Variants in TRIO observed in about 807,000 individuals in gnomAD.
TRIO encodes the protein triple functional domain protein.
A neutral mutation model predicts 351.9 loss-of-function variants in TRIO; 58 were observed. The ratio of observed to expected loss-of-function variants is 0.16; its 90% CI spans 0.13 to 0.21. TRIO has a LOEUF of 0.21. Ranked by LOEUF, TRIO falls within the 10% of genes least tolerant of loss-of-function variation. The pLI, the probability that TRIO is intolerant of heterozygous loss-of-function variation, is 1.00. For missense variants in TRIO, 3,201 were observed against 4,027.8 expected, an observed-to-expected ratio of 0.79 and a Z score of 5.56; for synonymous variants, 1,758 against 1,595.7, an observed-to-expected ratio of 1.10 and a Z score of -2.42.
chr5:14,314,978 C>T (rs1739254915), intron 8 of TRIO, among the ~76,000 whole-genome samples: 1 of 152,130 alleles, frequency 6.6e-6, no homozygotes, highest in African/African-American at 2.4e-5. Context: ...ATTTTAAACC[C>T]TGAAGCCTTC....
chr5:14,503,096 T>A (rs1029532857), intron 54 of TRIO, among the ~76,000 whole-genome samples: 1 of 152,274 alleles, frequency 6.6e-6, no homozygotes, highest in Non-Finnish European at 1.5e-5. Context: ...AAAGGGGTTC[T>A]TTCTCTTCAT....
intron 1 of TRIO, among the ~76,000 whole-genome samples, chr5:14,181,066 AT>A (rs1391761107): frequency 2.1e-5 from 3 of 145,180 alleles, no homozygotes; most frequent in Admixed American, 7.0e-5. Context: ...TTATAAAAAA[AT>A]AACAATGGAA....
At chr5:14,304,300 G>C (rs1301827602) in intron 7 of TRIO, among the ~76,000 whole-genome samples, 161 bp from the exon 8 acceptor site, 1 of 152,198 alleles carries the variant, frequency 6.6e-6, no homozygotes, top group Non-Finnish European at 1.5e-5. Context: ...GAGTCCAGGA[G>C]TCTCATGTGA....
At chr5:14,195,865 A>AT (rs1264295743) in intron 1 of TRIO, among the ~76,000 whole-genome samples, 3 of 151,306 alleles carry the variant, frequency 2.0e-5, no homozygotes, top group African/African-American at 7.3e-5. Flanking sequence ...GCCCTTGCTT[A>AT]TTTTTTTTGT....
Position 14,431,532 on chromosome 5 carries a change from C to T in TRIO, c.5203+11511C>T, listed in dbSNP as rs183051477. Among the ~76,000 whole-genome samples, 410 of 152,296 alleles carry T rather than the reference C, an allele frequency of 2.7e-3. 1 individual carries two copies. Among genetic ancestry groups the T allele is most frequent in the African/African-American group, 9.5e-3 (396 of 41,546 alleles). On this transcript the variant is annotated intron_variant, in intron 34 of 56. Transcript: ENST00000344204. ...CTGTGTGTTCAATCTCATCTATTCT[C>T]TCCCCAACCCCTTTTCAGGAGTCTG...
chr5:14,240,470 A>G (rs988387558), intron 1 of TRIO, among the ~76,000 whole-genome samples: 2 of 152,224 alleles, frequency 1.3e-5, no homozygotes, highest in Admixed American at 6.5e-5. Flanking sequence ...GTTCTTTTAC[A>G]TCACAGCAGA....
At chr5:14,251,777 G>A (rs955006271) in intron 1 of TRIO, among the ~76,000 whole-genome samples, 2 of 152,124 alleles carry the variant, frequency 1.3e-5, no homozygotes, top group Non-Finnish European at 2.9e-5. Flanking sequence ...GATGGGGGTG[G>A]CCTAAGTAAC....
chr5:14,361,252 C>T (rs1300349685), intron 13 of TRIO, among the ~76,000 whole-genome samples: 1 of 151,966 alleles, frequency 6.6e-6, no homozygotes, highest in Non-Finnish European at 1.5e-5. Context: ...TTGTATTTAT[C>T]GTAAGTATAT....
chr5:14,225,534 C>G (rs1170888542), intron 1 of TRIO, among the ~76,000 whole-genome samples: 1 of 152,040 alleles, frequency 6.6e-6, no homozygotes, highest in Non-Finnish European at 1.5e-5. Context: ...GACTGAGGTC[C>G]CAGGGTTCTT....
chr5:14,283,763 TAAACAAAC>T (rs545529035), intron 3 of TRIO, among the ~76,000 whole-genome samples: 3 of 151,494 alleles, frequency 2.0e-5, no homozygotes, highest in Admixed American at 6.6e-5. Flanking sequence ...CTTTTTTTTT[TAAACAAAC>T]AAACAAACAA....
At chr5:14,486,697 C>T (rs184226447) in intron 47 of TRIO, among the ~76,000 whole-genome samples, 1 of 152,272 alleles carries the variant, frequency 6.6e-6, no homozygotes, top group Non-Finnish European at 1.5e-5. Context: ...TAATACCTAT[C>T]CCAGAGGATT....
chr5:14,226,900 T>TTTG (rs56235530), intron 1 of TRIO, among the ~76,000 whole-genome samples: 122,325 of 151,250 alleles, frequency 0.81, 49,992 homozygotes, highest in East Asian at 0.98. Context: ...CTCCCTGGTT[T>TTTG]CTGCAGCTCT....
At position 14,387,588 on chromosome 5, in the gene TRIO, T is replaced by G; in HGVS notation, c.3721T>G (p.Ser1241Ala). ...FSLRMEKYRT[S>A]LEKALGISSD... ...TCTGCGGATGGAGAAGTACAGGACC[T>G]CTTTGGAAAAAGCCCTGGGGATTTC... The change falls in exon 22 of 57, where the codon TCT becomes GCT. Residue 1241 changes from serine (S) to alanine (A), a missense_variant. By Grantham distance (99) the Ser-to-Ala change is moderately conservative. Coordinates refer to ENST00000344204, the MANE Select transcript of TRIO (RefSeq NM_007118.4). The G allele has an allele frequency of 6.2e-7, 1 of 1,613,364 alleles. No homozygotes were observed. Among genetic ancestry groups the G allele is most frequent in the Middle Eastern group, 1.7e-4 (1 of 6,058 alleles).
chr5:14,440,442 G>A (rs2126334550), intron 34 of TRIO, among the ~76,000 whole-genome samples: 1 of 152,348 alleles, frequency 6.6e-6, no homozygotes, highest in Admixed American at 6.5e-5. Context: ...TGGGACAAGG[G>A]AGCGAACATA....
intron 10 of TRIO, among the ~76,000 whole-genome samples, chr5:14,336,098 C>CTA (rs1243391181): frequency 1.3e-5 from 2 of 152,240 alleles, no homozygotes; most frequent in African/African-American, 4.8e-5. Context: ...TAACCTTTAA[C>CTA]TTGTACTTCG....
chr5:14,403,447 G>A (rs1378529216), intron 31 of TRIO, among the ~76,000 whole-genome samples: 1 of 111,754 alleles, frequency 8.9e-6, no homozygotes, highest in African/African-American at 3.8e-5. Context: ...TGGTGAGGGT[G>A]TAGGTTGTGG....
chr5:14,246,690 C>T (rs1264422873), intron 1 of TRIO, among the ~76,000 whole-genome samples: 1 of 152,228 alleles, frequency 6.6e-6, no homozygotes, highest in African/African-American at 2.4e-5. Context: ...CCCTCGCCTC[C>T]TGTTCCCTGT....
At chr5:14,226,240 G>A (rs923243855) in intron 1 of TRIO, among the ~76,000 whole-genome samples, 20 of 152,188 alleles carry the variant, frequency 1.3e-4, no homozygotes, top group African/African-American at 4.8e-4. Flanking sequence ...TGATGATGAT[G>A]ATGTTGATGT....
chr5:14,210,264 C>G (rs1029553848), intron 1 of TRIO, among the ~76,000 whole-genome samples: 1 of 152,126 alleles, frequency 6.6e-6, no homozygotes, highest in Non-Finnish European at 1.5e-5. Context: ...GGACAGCTTC[C>G]TTGTTGACAG....
Sources: gnomAD v4.1 joint callset for allele counts (sites outside exome capture counted in the v4.1 genomes callset) on GRCh38, gnomAD v4.1.1 for gene constraint, MANE v1.5 for transcripts, NCBI Gene and HGNC (gene_info 2026-07-23, HGNC 2026-07-21) for gene names.